Variants in LRRC40 observed in about 807,000 individuals in gnomAD.
LRRC40 encodes the protein leucine rich repeat containing 40.
A neutral mutation model predicts 72.8 loss-of-function variants in LRRC40; 76 were observed. That is an observed-to-expected ratio of 1.04 (90% CI 0.87 to 1.26). LRRC40 has a LOEUF of 1.26. LRRC40 is among the 50% of genes most tolerant of loss of function. The probability of loss-of-function intolerance (pLI) is 0.00; values close to 1 mark genes in which losing one functional copy is unlikely to be tolerated. For synonymous variants in LRRC40, 243 were observed against 254.2 expected, an observed-to-expected ratio of 0.96 and a Z score of 0.42; for missense variants, 684 against 698.9, an observed-to-expected ratio of 0.98 and a Z score of 0.24.
At chr1:70,181,708 T>G (rs1668250456) in intron 4 of LRRC40, among the ~76,000 whole-genome samples, 1 of 152,050 alleles carries the variant, frequency 6.6e-6, no homozygotes, top group Admixed American at 6.6e-5. Flanking sequence ...AAAAATATTT[T>G]CTATTGGTTC....
chr1:70,178,937 C>T lies in LRRC40; in HGVS notation c.718G>A (p.Ala240Thr). The T allele has an allele frequency of 6.2e-7, 1 of 1,600,574 alleles. No homozygotes were observed. Among genetic ancestry groups the T allele is most frequent in the Non-Finnish European group, 8.5e-7 (1 of 1,170,852 alleles). The change falls in exon 6 of 15, where the codon GCT becomes ACT. Residue 240 changes from alanine (A) to threonine (T), a missense_variant. By Grantham distance (58) the Ala-to-Thr change is moderately conservative. Transcript: ENST00000370952. The stretch of plus-strand genomic sequence containing the variant: ...AGCAATTCTAGTGATTCCATGCCAG[C>T]CAATTCAGGAGGTATAGTTTCCAAG... ...NLLETIPPEL[A>T]GMESLELLYL...
At chr1:70,152,578 G>T in intron 11 of LRRC40, 35 bp from the exon 12 acceptor site, 1 of 1,082,706 alleles carries the variant, frequency 9.2e-7, no homozygotes, top group Non-Finnish European at 1.4e-6. Context: ...GTTAGCACTT[G>T]AATTCACTGC....
intron 12 of LRRC40, 65 bp downstream of exon 12, chr1:70,152,368 G>C: frequency 1.2e-6 from 1 of 839,954 alleles, no homozygotes; most frequent in Non-Finnish European, 2.0e-6. Context: ...AAAAGAATAA[G>C]TTAGACAAAA....
chr1:70,201,219 G>A (rs1668730879), intron 1 of LRRC40, among the ~76,000 whole-genome samples: 1 of 152,200 alleles, frequency 6.6e-6, no homozygotes. Flanking sequence ...ATAATTTGAG[G>A]TACTAATATT....
chr1:70,163,329 C>G (rs191716151), intron 9 of LRRC40, among the ~76,000 whole-genome samples: 3 of 152,102 alleles, frequency 2.0e-5, no homozygotes, highest in Non-Finnish European at 4.4e-5. Context: ...CCTTCTGATC[C>G]GCCCACCTCG....
At chr1:70,199,817 C>A (rs1285597881) in intron 1 of LRRC40, among the ~76,000 whole-genome samples, 1 of 152,060 alleles carries the variant, frequency 6.6e-6, no homozygotes, top group East Asian at 1.9e-4. Flanking sequence ...TTTTTGACTG[C>A]ACAAGGGAGT....
intron 4 of LRRC40, among the ~76,000 whole-genome samples, chr1:70,184,080 T>A (rs1413393246): frequency 6.6e-6 from 1 of 152,026 alleles, no homozygotes; most frequent in Non-Finnish European, 1.5e-5. Flanking sequence ...AAACCCCGTC[T>A]CTACTAAAAA....
At chr1:70,161,528 G>A (rs1207256946) in intron 9 of LRRC40, among the ~76,000 whole-genome samples, 1 of 148,376 alleles carries the variant, frequency 6.7e-6, no homozygotes, top group Non-Finnish European at 1.5e-5. Flanking sequence ...CAGCCTGGGC[G>A]ACAGAGCAAG....
intron 1 of LRRC40, among the ~76,000 whole-genome samples, chr1:70,204,056 C>T (rs763007785): frequency 2.0e-5 from 3 of 152,202 alleles, no homozygotes; most frequent in African/African-American, 4.8e-5. Flanking sequence ...CTAAGCAGTT[C>T]TAATCCATAT....
intron 4 of LRRC40, among the ~76,000 whole-genome samples, chr1:70,183,616 A>G (rs925491009): frequency 6.6e-6 from 1 of 151,904 alleles, no homozygotes; most frequent in Admixed American, 6.6e-5. Flanking sequence ...CAGTGGCTCA[A>G]TCATGGCTCA....
chr1:70,186,628 C>A (rs536221834), intron 3 of LRRC40, among the ~76,000 whole-genome samples: 59 of 152,204 alleles, frequency 3.9e-4, no homozygotes, highest in African/African-American at 1.4e-3. Flanking sequence ...TTTTTTTCTA[C>A]TCCAAAATAA....
chr1:70,152,861 TTTTATAC>T (rs1183285694), intron 11 of LRRC40, among the ~76,000 whole-genome samples: 3 of 152,082 alleles, frequency 2.0e-5, no homozygotes, highest in African/African-American at 7.2e-5. Context: ...CCTAGAAAAT[TTTTATAC>T]TTTATTCTAT....
At chr1:70,199,219 A>T (rs1249351056) in intron 1 of LRRC40, among the ~76,000 whole-genome samples, 140 of 117,868 alleles carry the variant, frequency 1.2e-3, no homozygotes, top group African/African-American at 3.7e-3. Flanking sequence ...ATAGTCTCAC[A>T]CACACACACA....
chr1:70,166,894 C>T (rs908333806), intron 9 of LRRC40, among the ~76,000 whole-genome samples: 4 of 147,276 alleles, frequency 2.7e-5, no homozygotes, highest in Non-Finnish European at 1.5e-5. Flanking sequence ...TCCCCATCCC[C>T]AAAAGAAAGG....
At chr1:70,195,549 G>A (rs1668590033) in intron 1 of LRRC40, among the ~76,000 whole-genome samples, 1 of 152,158 alleles carries the variant, frequency 6.6e-6, no homozygotes, top group Admixed American at 6.5e-5. Context: ...TGAATACAAA[G>A]TGCTGGTAAT....
chr1:70,172,363 C>T (rs1463870819), intron 9 of LRRC40, among the ~76,000 whole-genome samples: 1 of 152,128 alleles, frequency 6.6e-6, no homozygotes, highest in Non-Finnish European at 1.5e-5. Context: ...TTTTATTTTT[C>T]CCCCATTCTC....
chr1:70,196,822 G>C (rs1042396020), intron 1 of LRRC40, among the ~76,000 whole-genome samples: 1 of 152,134 alleles, frequency 6.6e-6, no homozygotes, highest in South Asian at 2.1e-4. Context: ...CTGGTTACAT[G>C]ATGGTATATA....
Position 70,205,500 on chromosome 1 carries a change from G to C in LRRC40, c.41C>G (p.Ala14Gly). The stretch of plus-strand genomic sequence containing the variant: ...GTCTCTTCCACCTGCTTTGAAACCA[G>C]CGCGGAGATCCTGCCCCGCTATCCG... Reference protein sequence around the residue: ...LKRIAGQDLRAGFKAGGRDCG... With the variant: ...LKRIAGQDLRGGFKAGGRDCG... The change falls in exon 1 of 15, where the codon GCT (alanine) becomes GGT (glycine). Residue 14 changes from alanine (A) to glycine (G), a missense_variant. Coordinates refer to ENST00000370952, the MANE Select transcript of LRRC40 (RefSeq NM_017768.5). The C allele has an allele frequency of 1.2e-6, 2 of 1,605,650 alleles. No individual in the cohort carries two copies. The highest frequency in any genetic ancestry group is 2.2e-5 in the South Asian group (2 of 90,580).
At chr1:70,161,265 T>C (rs1667754224) in intron 9 of LRRC40, among the ~76,000 whole-genome samples, 1 of 151,842 alleles carries the variant, frequency 6.6e-6, no homozygotes, top group Admixed American at 6.6e-5. Context: ...TTTGTATTTT[T>C]AGTAGAGACG....
Sources: gnomAD v4.1 joint callset for allele counts (sites outside exome capture counted in the v4.1 genomes callset) on GRCh38, gnomAD v4.1.1 for gene constraint, MANE v1.5 for transcripts, NCBI Gene and HGNC (gene_info 2026-07-23, HGNC 2026-07-21) for gene names.